Variants in MAP3K9 observed in about 807,000 individuals in gnomAD.
The protein encoded by MAP3K9 is mixed lineage kinase 1 (tyr and ser/thr specificity).
In MAP3K9, 46 loss-of-function variants were observed where a neutral mutation model predicts 95.8. That is an observed-to-expected ratio of 0.48 (90% CI 0.38 to 0.61). MAP3K9 has a LOEUF of 0.61. Ranked by LOEUF, MAP3K9 falls within the 20% of genes least tolerant of loss-of-function variation. The pLI, the probability that MAP3K9 is intolerant of heterozygous loss-of-function variation, is 0.00. For synonymous variants in MAP3K9, 533 were observed against 593.8 expected, an observed-to-expected ratio of 0.90 and a Z score of 1.49; for missense variants, 1,296 against 1,474.3, an observed-to-expected ratio of 0.88 and a Z score of 1.98.
chr14:70,797,505 A>T (rs896266285), intron 2 of MAP3K9, among the ~76,000 whole-genome samples: 3 of 152,146 alleles, frequency 2.0e-5, no homozygotes, highest in Non-Finnish European at 4.4e-5. Context: ...TGAGAGACTG[A>T]GGCAGGTGGA....
At chr14:70,758,131 A>T (rs1394608505) in intron 3 of MAP3K9, among the ~76,000 whole-genome samples, 2 of 152,170 alleles carry the variant, frequency 1.3e-5, no homozygotes, top group African/African-American at 2.4e-5. Context: ...GGAAAAAAAA[A>T]TTTGCTAATC....
chr14:70,773,802 A>C (rs1258568721), intron 2 of MAP3K9, among the ~76,000 whole-genome samples: 1 of 152,236 alleles, frequency 6.6e-6, no homozygotes, highest in Non-Finnish European at 1.5e-5. Flanking sequence ...CTCATGGAAC[A>C]GAGATGTCTT....
At chr14:70,745,460 C>A (rs769440769) in intron 5 of MAP3K9, among the ~76,000 whole-genome samples, 1 of 152,164 alleles carries the variant, frequency 6.6e-6, no homozygotes, top group Middle Eastern at 3.4e-3. Flanking sequence ...GAAAGAAGGC[C>A]GGCATGGTGT....
chr14:70,801,026 C>T lies in MAP3K9; in HGVS notation c.461G>A (p.Gly154Asp). 1 of 1,614,148 alleles carries T rather than the reference C, an allele frequency of 6.2e-7. No individual in the cohort carries two copies. Among genetic ancestry groups the T allele is most frequent in the Non-Finnish European group, 8.5e-7 (1 of 1,180,026 alleles). ...GAAAGCACGATAGACCTTCCCAAAGCCCCCGATGCCAATAATCTCTTCCAA... is the reference window on the plus strand; with the variant it reads ...GAAAGCACGATAGACCTTCCCAAAGTCCCCGATGCCAATAATCTCTTCCAA... ...LTLEEIIGIG[G>D]FGKVYRAFWI... Residue 154 changes from glycine (G) to aspartate (D), a missense_variant, in exon 2 of 12, where the codon GGC becomes GAC. By Grantham distance (94) the Gly-to-Asp change is moderately conservative. Coordinates refer to ENST00000554752, the MANE Select transcript of MAP3K9 (RefSeq NM_001284230.2).
In MAP3K9 at chr14:70,761,184, T is replaced by A. The variant is rs1225905227; in HGVS notation, c.821-2A>T. ...TCTCCACCTTCTGGAGGATCAATACTAGGCAAGGAAAAGAATACAGAAGAA... is the reference window on the plus strand; with the variant it reads ...TCTCCACCTTCTGGAGGATCAATACAAGGCAAGGAAAAGAATACAGAAGAA... On this transcript the variant is annotated splice_acceptor_variant, in intron 2 of 11. Coordinates refer to ENST00000554752, the MANE Select transcript of MAP3K9 (RefSeq NM_001284230.2). LOFTEE classifies it high-confidence loss of function. 1 of 1,610,140 alleles carries A rather than the reference T, an allele frequency of 6.2e-7. No individual in the cohort carries two copies. Among genetic ancestry groups the A allele is most frequent in the African/African-American group, 1.3e-5 (1 of 74,906 alleles).
intron 6 of MAP3K9, among the ~76,000 whole-genome samples, chr14:70,741,807 C>T (rs2054073267): frequency 6.6e-6 from 1 of 152,234 alleles, no homozygotes. Context: ...ATCAGCTGGG[C>T]GTGGTGGCAT....
intron 2 of MAP3K9, chr14:70,783,170 C>T: frequency 1.5e-6 from 1 of 681,728 alleles, no homozygotes; most frequent in Non-Finnish European, 1.8e-6. Flanking sequence ...CTAAAATTGG[C>T]CAGATTCATG....
chr14:70,783,423 C>T, intron 2 of MAP3K9: 1 of 984,696 alleles, frequency 1.0e-6, no homozygotes. Context: ...CCCTCATTTC[C>T]TGCTCAAAAT....
At position 70,733,698 on chromosome 14, in the gene MAP3K9, G is replaced by A; in HGVS notation, c.2027-356C>T. ...AAGCACAGTTGCTGGGTGTGTCTGTGAGGCTGTTTCCAGGGGAGACTAAGA... is the reference window on the plus strand; with the variant it reads ...AAGCACAGTTGCTGGGTGTGTCTGTAAGGCTGTTTCCAGGGGAGACTAAGA... On this transcript the variant is annotated intron_variant, in intron 10 of 11. Coordinates refer to ENST00000554752, the MANE Select transcript of MAP3K9 (RefSeq NM_001284230.2). 7 of 717,742 alleles carry A rather than the reference G, an allele frequency of 9.8e-6. No homozygotes were observed. In the South Asian group the frequency reaches 1.0e-4, roughly 11 times the overall value. 44.5% of individuals were successfully genotyped at this position (717,742 alleles called of 1,614,324 possible).
chr14:70,782,702 T>A (rs2054696550), intron 2 of MAP3K9, among the ~76,000 whole-genome samples: 1 of 152,190 alleles, frequency 6.6e-6, no homozygotes, highest in Non-Finnish European at 1.5e-5. Context: ...TGTCTTTCAG[T>A]CTATGATATG....
intron 2 of MAP3K9, among the ~76,000 whole-genome samples, chr14:70,761,755 T>A (rs2054378661): frequency 6.6e-6 from 1 of 152,246 alleles, no homozygotes; most frequent in Admixed American, 6.5e-5. Flanking sequence ...TAGACCTTTT[T>A]TTTGGGCTGA....
At chr14:70,741,337 G>A (rs1351586560) in intron 6 of MAP3K9, among the ~76,000 whole-genome samples, 25 of 152,072 alleles carry the variant, frequency 1.6e-4, no homozygotes, top group Admixed American at 1.5e-3. Flanking sequence ...TGATCCACCC[G>A]CCTCGGCCTC....
At chr14:70,773,156 A>C (rs1483693657) in intron 2 of MAP3K9, among the ~76,000 whole-genome samples, 1 of 152,192 alleles carries the variant, frequency 6.6e-6, no homozygotes, top group East Asian at 1.9e-4. Flanking sequence ...CAATGCTGCA[A>C]CTATAAGCAC....
Position 70,723,001 on chromosome 14 carries a change from C to T in MAP3K9, c.*7379G>A, listed in dbSNP as rs1168912278. 6.6e-6 allele frequency: 1 copy of T among 152,152 alleles called. No homozygotes were observed. Among genetic ancestry groups the T allele is most frequent in the Non-Finnish European group, 1.5e-5 (1 of 68,038 alleles). The allele number at this position is 152,152 out of a possible 1,614,324, so 9.4% of individuals were successfully genotyped here. The stretch of plus-strand genomic sequence containing the variant: ...CCATCTCCAATTCCTTTCCTTAATC[C>T]TCTACAAGCCTTAGACTATAAGATA... On this transcript the variant is annotated 3_prime_UTR_variant, in exon 12 of 12. Coordinates refer to ENST00000554752, the MANE Select transcript of MAP3K9 (RefSeq NM_001284230.2).
Position 70,794,295 on chromosome 14 carries a change from T to C in MAP3K9, c.820+6372A>G, listed in dbSNP as rs117715671. On this transcript the variant is annotated intron_variant, in intron 2 of 11. Coordinates refer to ENST00000554752, the MANE Select transcript of MAP3K9 (RefSeq NM_001284230.2). Reference sequence around the variant, plus strand: ...TACAGTTCACCACTCACCTCTGCTCTTTCAGCTATAAAGTTAAGAATGAGT... The same window carrying C: ...TACAGTTCACCACTCACCTCTGCTCCTTCAGCTATAAAGTTAAGAATGAGT... Among the ~76,000 whole-genome samples, 2,165 of 152,354 alleles carry C rather than the reference T, an allele frequency of 0.014. 110 individuals carry two copies. In the East Asian group the frequency reaches 0.16, roughly 11 times the overall value.
At chr14:70,753,033 T>C (rs911943285) in intron 3 of MAP3K9, 1 of 152,260 alleles carries the variant, frequency 6.6e-6, no homozygotes, top group African/African-American at 2.4e-5. Context: ...GGCAGAATGC[T>C]ACCAGAGAAA....
At position 70,732,648 on chromosome 14, in the gene MAP3K9, C is replaced by T. The variant is rs376198640; in HGVS notation, c.2721G>A (p.Ser907=). The T allele has an allele frequency of 7.7e-5, 123 of 1,605,050 alleles. No individual in the cohort carries two copies. Among genetic ancestry groups the T allele is most frequent in the Non-Finnish European group, 9.3e-5 (109 of 1,175,072 alleles). ...GAGTCCGCCGGTGACTGCTGGGCTG[C>T]GAGGGGGTGGTGAGGGTGACATGGG... ...TPTHVTLTTP[S]QPSSHRRTPS... is the part of the protein sequence containing the mutation. The change falls in exon 11 of 12, where the codon TCG becomes TCA. Residue 907 remains serine (S), a synonymous_variant. Transcript: ENST00000554752.
Position 70,801,060 on chromosome 14 carries a change from C to G in MAP3K9, c.427G>C (p.Glu143Gln), listed in dbSNP as rs774711179. ...PIQLLEIDFA[E>Q]LTLEEIIGIG... ...CCAATAATCTCTTCCAAGGTGAGCT[C>G]CGCAAAATCAATTTCTAACACTGAG... The change falls in exon 2 of 12, where the codon GAG (glutamate) becomes CAG (glutamine). Residue 143 changes from glutamate (E) to glutamine (Q), a missense_variant. This residue lies in a region of MAP3K9 where 338 missense variants were observed against 363.4 expected (regional missense o/e 0.93). Coordinates refer to ENST00000554752, the MANE Select transcript of MAP3K9 (RefSeq NM_001284230.2). 1.2e-5 allele frequency: 19 copies of G among 1,608,250 alleles called. No homozygotes were observed. The highest frequency in any genetic ancestry group is 1.3e-5 in the Non-Finnish European group (15 of 1,175,834).
At chr14:70,748,535 T>G (rs1436989573) in intron 5 of MAP3K9, among the ~76,000 whole-genome samples, 1 of 152,208 alleles carries the variant, frequency 6.6e-6, no homozygotes, top group Non-Finnish European at 1.5e-5. Context: ...TCTAGAAGTC[T>G]ATTGTAGAAT....
Sources: gnomAD v4.1 joint callset for allele counts (sites outside exome capture counted in the v4.1 genomes callset) on GRCh38, gnomAD v4.1.1 for gene constraint, gnomAD v4.1.1 regional missense constraint, MANE v1.5 for transcripts, NCBI Gene and HGNC (gene_info 2026-07-23, HGNC 2026-07-21) for gene names.